The following PPHLN1 variants were observed in gnomAD, a reference collection of about 807,000 sequenced individuals.
PPHLN1 encodes the protein periphilin-1.
A neutral mutation model predicts 51.3 loss-of-function variants in PPHLN1; 29 were observed. The observed-to-expected ratio is 0.57, with a 90% CI of 0.42 to 0.77. The LOEUF (loss-of-function observed/expected upper bound fraction) is 0.77. Among genes scored for constraint, PPHLN1 ranks in the 30% least tolerant of loss-of-function variants. The pLI, the probability that PPHLN1 is intolerant of heterozygous loss-of-function variation, is 0.00. For synonymous variants in PPHLN1, 147 were observed against 147.8 expected, an observed-to-expected ratio of 0.99 and a Z score of 0.04; for missense variants, 436 against 438.4, an observed-to-expected ratio of 0.99 and a Z score of 0.05.
chr12:42,361,436 G>A (rs139614628), intron 4 of PPHLN1: 1 of 152,258 alleles, frequency 6.6e-6, no homozygotes, highest in African/African-American at 2.4e-5. Flanking sequence ...TATTTATTAT[G>A]CTGGCATTCT....
intron 9 of PPHLN1, among the ~76,000 whole-genome samples, chr12:42,428,081 G>A (rs971908280): frequency 1.3e-5 from 2 of 152,134 alleles, no homozygotes; most frequent in African/African-American, 4.8e-5. Context: ...CTGCAAGAAT[G>A]GCCGTAATCA....
chr12:42,392,998 C>T (rs866678306), intron 7 of PPHLN1, among the ~76,000 whole-genome samples: 7 of 152,122 alleles, frequency 4.6e-5, no homozygotes, highest in Non-Finnish European at 7.4e-5. Flanking sequence ...CGATTCAAAG[C>T]CAGGTCTGTA....
intron 2 of PPHLN1, among the ~76,000 whole-genome samples, chr12:42,336,776 A>G (rs1286024366): frequency 6.6e-6 from 1 of 152,166 alleles, no homozygotes; most frequent in Admixed American, 6.5e-5. Flanking sequence ...TTTTGCACAG[A>G]CCCATTCTAA....
At chr12:42,350,487 G>A (rs1478942499) in intron 2 of PPHLN1, among the ~76,000 whole-genome samples, 3 of 151,302 alleles carry the variant, frequency 2.0e-5, no homozygotes, top group Non-Finnish European at 4.4e-5. Context: ...CAGAGTGGGC[G>A]ACTGGGCAGA....
At position 42,393,706 on chromosome 12, in the gene PPHLN1, C is replaced by A; in HGVS notation, c.768+17C>A. 1.3e-6 allele frequency: 2 copies of A among 1,565,198 alleles called. No individual in the cohort carries two copies. Among genetic ancestry groups the A allele is most frequent in the South Asian group, 2.4e-5 (2 of 83,390 alleles). Reference sequence around the variant, plus strand: ...GAGTATGAGGTAAGGCATAATGTCTCCTTTATGTTTCACATCTGAAAGTTT... The same window carrying A: ...GAGTATGAGGTAAGGCATAATGTCTACTTTATGTTTCACATCTGAAAGTTT... On this transcript the variant is annotated intron_variant, in intron 8 of 9. Transcript: ENST00000358314.
At chr12:42,440,117 GTTTATA>G (rs1434664176) in intron 9 of PPHLN1, among the ~76,000 whole-genome samples, 1 of 149,034 alleles carries the variant, frequency 6.7e-6, no homozygotes, top group African/African-American at 2.4e-5. Flanking sequence ...TATTTATATA[GTTTATA>G]TTTTATTTAT....
At chr12:42,422,313 G>A (rs1329620415) in intron 9 of PPHLN1, among the ~76,000 whole-genome samples, 1 of 152,214 alleles carries the variant, frequency 6.6e-6, no homozygotes, top group Non-Finnish European at 1.5e-5. Context: ...CACTGAAAAT[G>A]TGTATGAGGA....
chr12:42,385,115 A>G, intron 6 of PPHLN1, 119 bp downstream of exon 6: 1 of 1,086,078 alleles, frequency 9.2e-7, no homozygotes, highest in Non-Finnish European at 1.4e-6. Context: ...TGAGAACCAC[A>G]GTTAGCAGTA....
downstream of PPHLN1, chr12:42,442,955 C>A: frequency 1.6e-6 from 1 of 627,422 alleles, no homozygotes; most frequent in Non-Finnish European, 2.5e-6. Flanking sequence ...CAGAAGAAGG[C>A]ACGCTGGACC....
At chr12:42,392,980 T>G (rs1298050104) in intron 7 of PPHLN1, among the ~76,000 whole-genome samples, 3 of 152,200 alleles carry the variant, frequency 2.0e-5, no homozygotes, top group Non-Finnish European at 2.9e-5. Context: ...TAGCAAGTCA[T>G]TAAACTGCGA....
intron 9 of PPHLN1, among the ~76,000 whole-genome samples, chr12:42,401,274 GTCTC>G (rs1228567360): frequency 1.4e-4 from 22 of 152,124 alleles, no homozygotes; most frequent in African/African-American, 5.1e-4. Flanking sequence ...AGAAGGACGA[GTCTC>G]TCTCTTTTTA....
intron 5 of PPHLN1, among the ~76,000 whole-genome samples, chr12:42,380,983 G>A (rs188100083): frequency 1.3e-5 from 2 of 152,240 alleles, no homozygotes; most frequent in East Asian, 1.9e-4. Flanking sequence ...AGACAAACAA[G>A]TAATTAAATA....
intron 9 of PPHLN1, among the ~76,000 whole-genome samples, chr12:42,415,696 C>T (rs1182358300): frequency 6.6e-6 from 1 of 152,228 alleles, no homozygotes; most frequent in Non-Finnish European, 1.5e-5. Context: ...TCTTCATCAA[C>T]AGCTCCTGAC....
In PPHLN1 at chr12:42,402,668, GT is replaced by G. The variant is rs148393837; in HGVS notation, c.909+3684del. Among the ~76,000 whole-genome samples, 464 of 150,080 alleles carry G rather than the reference GT, an allele frequency of 3.1e-3. 3 individuals are homozygous for G. The highest frequency in any genetic ancestry group is 0.01 in the African/African-American group (426 of 40,966). On this transcript the variant is annotated intron_variant, in intron 9 of 9. Transcript: ENST00000358314. ...TTCATATTTAACTATAGAATTTTAAGTTTTTTTTTTAAACCTTCTTAAGGAC... is the reference window on the plus strand; with the variant it reads ...TTCATATTTAACTATAGAATTTTAAGTTTTTTTTTAAACCTTCTTAAGGAC...
At chr12:42,380,603 T>C (rs138265211) in intron 5 of PPHLN1, among the ~76,000 whole-genome samples, 1 of 152,256 alleles carries the variant, frequency 6.6e-6, no homozygotes, top group African/African-American at 2.4e-5. Flanking sequence ...TCTCCATGAA[T>C]TTTTTGATTA....
intron 3 of PPHLN1, 50 bp from the exon 4 acceptor site, chr12:42,355,111 T>G (rs746270712): frequency 7.1e-6 from 11 of 1,560,158 alleles, no homozygotes; most frequent in Admixed American, 1.7e-5. Context: ...TATGTCCCAC[T>G]TGTCCAAAAT....
chr12:42,401,901 C>T (rs1032042410), intron 9 of PPHLN1, among the ~76,000 whole-genome samples: 1 of 152,092 alleles, frequency 6.6e-6, no homozygotes, highest in Non-Finnish European at 1.5e-5. Context: ...GTCGCCCATG[C>T]TGGAGTGCAG....
intron 9 of PPHLN1, among the ~76,000 whole-genome samples, chr12:42,404,410 T>C (rs1565952988): frequency 6.6e-6 from 1 of 152,048 alleles, no homozygotes; most frequent in Non-Finnish European, 1.5e-5. Context: ...GTGCCTATAA[T>C]CCTCGCTACT....
At chr12:42,331,600 C>T (rs1040926208) in intron 1 of PPHLN1, among the ~76,000 whole-genome samples, 9 of 152,100 alleles carry the variant, frequency 5.9e-5, no homozygotes, top group African/African-American at 1.4e-4. Context: ...TTAAACATAC[C>T]GTCTTCATTG....
Sources: allele counts gnomAD v4.1 joint callset (sites outside exome capture counted in the v4.1 genomes callset), GRCh38; gene constraint gnomAD v4.1.1; transcripts MANE v1.5; gene names NCBI Gene and HGNC (gene_info 2026-07-23, HGNC 2026-07-21).